Variants in BCL7C observed in about 807,000 individuals in gnomAD.
BCL7C encodes the protein B-cell CLL/lymphoma 7 protein family member C.
In BCL7C, 8 loss-of-function variants were observed where a neutral mutation model predicts 26.2. The ratio of observed to expected loss-of-function variants is 0.30; its 90% CI spans 0.18 to 0.55. The LOEUF (loss-of-function observed/expected upper bound fraction) is 0.55. Ranked by LOEUF, BCL7C falls within the 20% of genes least tolerant of loss-of-function variation. The pLI, the probability that BCL7C is intolerant of heterozygous loss-of-function variation, is 0.93. For synonymous variants in BCL7C, 90 were observed against 116.5 expected (o/e 0.77, Z 1.47); for missense variants, 262 against 298.5 (o/e 0.88, Z 0.90).
intron 5 of BCL7C, among the ~76,000 whole-genome samples, chr16:30,846,574 C>T (rs908874071): frequency 6.6e-6 from 1 of 152,098 alleles, no homozygotes; most frequent in African/African-American, 2.4e-5. Context: ...ACTATATTGC[C>T]CAGGCTCTCT....
At chr16:30,880,561 G>GTC (rs1372395566) in intron 5 of BCL7C, among the ~76,000 whole-genome samples, 1 of 140,094 alleles carries the variant, frequency 7.1e-6, no homozygotes, top group African/African-American at 2.5e-5. Flanking sequence ...AAAAAAAAAA[G>GTC]TCAGAACAGC....
intron 5 of BCL7C, among the ~76,000 whole-genome samples, chr16:30,850,060 A>T (rs748370649): frequency 1.9e-4 from 29 of 152,062 alleles, no homozygotes; most frequent in Non-Finnish European, 2.6e-4. Context: ...ATACAAAAAA[A>T]TCAGCTGGGC....
At chr16:30,868,341 G>A (rs936176895) in intron 5 of BCL7C, among the ~76,000 whole-genome samples, 3 of 141,746 alleles carry the variant, frequency 2.1e-5, no homozygotes, top group Admixed American at 1.5e-4. Context: ...GTTTCACCAT[G>A]TTAGCCAGGA....
Position 30,893,079 on chromosome 16 carries a change from A to G in BCL7C, c.172-131T>C. 1 of 1,220,860 alleles carries G rather than the reference A, an allele frequency of 8.2e-7. No homozygotes were observed. 75.6% of individuals were successfully genotyped at this position (1,220,860 alleles called of 1,614,324 possible). On this transcript the variant is annotated intron_variant, in intron 2 of 5. Coordinates refer to ENST00000215115, the MANE Select transcript of BCL7C (RefSeq NM_004765.4). This position sits in a 1 kb window ranked among gnomAD's most constrained non-coding sequence, Gnocchi z 5.2. ...GCAGAAAAGAGGGCAAAAGGGGAGG[A>G]GCTGCTAATGATGGTTCCCGTCTGT... is the stretch of plus-strand genomic sequence containing the variant.
chr16:30,884,078 T>G (rs1437301042), downstream of BCL7C, among the ~76,000 whole-genome samples: 1 of 141,988 alleles, frequency 7.0e-6, no homozygotes, highest in Non-Finnish European at 1.5e-5. Flanking sequence ...TGAGCCAAGA[T>G]CACGTCACGG....
At chr16:30,876,947 G>T (rs2054958894) in intron 5 of BCL7C, among the ~76,000 whole-genome samples, 1 of 152,208 alleles carries the variant, frequency 6.6e-6, no homozygotes. Flanking sequence ...TGGCTGGAGG[G>T]CAGGACATGA....
At chr16:30,856,958 T>A (rs1350614550) in intron 5 of BCL7C, among the ~76,000 whole-genome samples, 1 of 152,210 alleles carries the variant, frequency 6.6e-6, no homozygotes, top group Non-Finnish European at 1.5e-5. Context: ...CAGCCTCTTA[T>A]ATCTCCAACT....
intron 5 of BCL7C, among the ~76,000 whole-genome samples, chr16:30,866,129 G>A (rs1022094603): frequency 6.6e-6 from 1 of 152,072 alleles, no homozygotes; most frequent in African/African-American, 2.4e-5. Context: ...TGGGGAGAGT[G>A]GGAGAGTTAG....
chr16:30,857,467 T>A (rs906505205), intron 5 of BCL7C, among the ~76,000 whole-genome samples: 5 of 151,904 alleles, frequency 3.3e-5, no homozygotes, highest in Non-Finnish European at 7.4e-5. Context: ...TAATGACACT[T>A]CTCTGGAAAC....
intron 5 of BCL7C, among the ~76,000 whole-genome samples, chr16:30,854,671 C>T (rs1283286693): frequency 6.6e-6 from 1 of 151,088 alleles, no homozygotes; most frequent in African/African-American, 2.4e-5. Context: ...CTTCAGCTGC[C>T]TTCACATCAG....
At chr16:30,875,247 G>GGCCACGCGAC (rs2054928094) in intron 5 of BCL7C, 1 of 154,656 alleles carries the variant, frequency 6.5e-6, no homozygotes. Flanking sequence ...GACCAGGCGA[G>GGCCACGCGAC]GCCACGCGAC....
chr16:30,884,492 G>GTTTTT (rs71149066), downstream of BCL7C, among the ~76,000 whole-genome samples: 16 of 98,274 alleles, frequency 1.6e-4, no homozygotes, highest in African/African-American at 2.3e-4. Flanking sequence ...ATCTCCATTT[G>GTTTTT]TTTTTTTTTT....
chr16:30,855,343 A>G (rs2054710665), intron 5 of BCL7C, among the ~76,000 whole-genome samples: 1 of 151,760 alleles, frequency 6.6e-6, no homozygotes, highest in South Asian at 2.1e-4. Context: ...GGTTCAAGCG[A>G]TTTGTCTGCC....
chr16:30,884,613 C>T (rs1021319941), downstream of BCL7C, among the ~76,000 whole-genome samples: 1 of 151,020 alleles, frequency 6.6e-6, no homozygotes, highest in Non-Finnish European at 1.5e-5. Flanking sequence ...TCTCCTGCCT[C>T]AGTCTCCTGA....
At position 30,893,900 on chromosome 16, in the gene BCL7C, C is replaced by A; in HGVS notation, c.45G>T (p.Lys15Asn). The change falls in exon 1 of 6, where the codon AAG (lysine) becomes AAT (asparagine). Residue 15 changes from lysine (K) to asparagine (N), a missense_variant. Physicochemically the swap from Lys to Asn is moderately conservative, Grantham distance 94. Coordinates refer to ENST00000215115, the MANE Select transcript of BCL7C (RefSeq NM_004765.4). The surrounding 1 kb of genome is among the most constrained non-coding windows in gnomAD (Gnocchi z 5.2). Reference sequence around the variant, plus strand: ...TCGCCATCACCTTCTTGATGTCATCCTTGGCCCGGCTCCGGGTCTCGGCCC... The same window carrying A: ...TCGCCATCACCTTCTTGATGTCATCATTGGCCCGGCTCCGGGTCTCGGCCC... ...TVRAETRSRA[K>N]DDIKKVMATI... is the part of the protein sequence containing the mutation. 6.2e-7 allele frequency: 1 copy of A among 1,601,608 alleles called. No individual in the cohort carries two copies.
rs771606752 is a variant in BCL7C at position 30,887,971 on chromosome 16, A to G, written c.548T>C (p.Val183Ala). The change falls in exon 6 of 6, where the codon GTC (valine) becomes GCC (alanine). Residue 183 changes from valine to alanine, a missense_variant. Coordinates refer to ENST00000215115, the MANE Select transcript of BCL7C (RefSeq NM_004765.4). ...LEAEAPEAYPVFEPVPPVPEA... is the reference protein window; with the variant it reads ...LEAEAPEAYPAFEPVPPVPEA... ...AGGGACAGGTGGCACTGGCTCAAAG[A>G]CAGGGTAAGCTTCGGGGGCCTGGAG... 1.9e-6 allele frequency: 3 copies of G among 1,606,882 alleles called. No homozygotes were observed. In the Admixed American group the frequency reaches 5.1e-5, roughly 27 times the overall value.
At chr16:30,846,672 T>C (rs918784186) in intron 5 of BCL7C, among the ~76,000 whole-genome samples, 2 of 152,230 alleles carry the variant, frequency 1.3e-5, no homozygotes, top group African/African-American at 2.4e-5. Context: ...TAAACTCCCA[T>C]TGTGGCTTCT....
At chr16:30,884,086 C>CG (rs2055087300), downstream of BCL7C, among the ~76,000 whole-genome samples, 2 of 147,766 alleles carry the variant, frequency 1.4e-5, no homozygotes, top group Non-Finnish European at 3.0e-5. Flanking sequence ...GATCACGTCA[C>CG]GGCACTCCAG....
intron 5 of BCL7C, among the ~76,000 whole-genome samples, chr16:30,838,018 C>T (rs187686645): frequency 6.6e-6 from 1 of 152,206 alleles, no homozygotes; most frequent in Non-Finnish European, 1.5e-5. Flanking sequence ...TGAATAGAAC[C>T]AGGACATTCC....
Sources: gnomAD v4.1 joint callset for allele counts (sites outside exome capture counted in the v4.1 genomes callset) on GRCh38, gnomAD v4.1.1 for gene constraint, Gnocchi (gnomAD v3.1) non-coding constraint, MANE v1.5 for transcripts, NCBI Gene and HGNC (gene_info 2026-07-23, HGNC 2026-07-21) for gene names.